IAH1: variants seen among roughly 807,000 people sequenced by gnomAD.
IAH1 encodes isoamyl acetate hydrolyzing esterase 1 (putative).
Under a neutral mutation model 26.7 loss-of-function variants are expected in IAH1, and 24 were observed. The observed-to-expected ratio is 0.90, with a 90% confidence interval of 0.65 to 1.26. IAH1 has a LOEUF of 1.26. Ranked by LOEUF, IAH1 falls within the 50% of genes most tolerant of loss-of-function variation. IAH1 has a pLI of 0.00. For synonymous variants in IAH1, 140 were observed against 118.5 expected, an observed-to-expected ratio of 1.18 and a Z score of -1.18; for missense variants, 300 against 299.9, an observed-to-expected ratio of 1.00 and a Z score of 0.00.
At chr2:9,477,458 A>T (rs188415642) in intron 2 of IAH1, among the ~76,000 whole-genome samples, 41 of 152,154 alleles carry the variant, frequency 2.7e-4, no homozygotes, top group African/African-American at 9.2e-4. Flanking sequence ...TTCTGAAGCA[A>T]ATCCCAAATC....
At chr2:9,508,564 C>T in the IAH1 span, among the ~76,000 whole-genome samples, 1 of 152,204 alleles carries the variant, frequency 6.6e-6, no homozygotes, top group Non-Finnish European at 1.5e-5. Flanking sequence ...TAATCTCACT[C>T]ATGTCCTTTT....
chr2:9,508,051 T>C, the IAH1 span, among the ~76,000 whole-genome samples: 13 of 152,190 alleles, frequency 8.5e-5, no homozygotes, highest in Admixed American at 7.9e-4. Context: ...GCCCCAGAAC[T>C]GGCAGCAGGA....
chr2:9,478,635 G>C (rs1352090576), intron 3 of IAH1, among the ~76,000 whole-genome samples: 2 of 152,152 alleles, frequency 1.3e-5, no homozygotes, highest in African/African-American at 4.8e-5. Context: ...TGCTAAGTTT[G>C]TAATGTGTTC....
chr2:9,484,865 C>T (rs1256427220), intron 5 of IAH1: 1 of 259,544 alleles, frequency 3.9e-6, no homozygotes, highest in Non-Finnish European at 7.3e-6. Flanking sequence ...AAAGCTAAAA[C>T]TTGTTAATAG....
intron 6 of IAH1, among the ~76,000 whole-genome samples, chr2:9,495,025 A>G (rs1031347438): frequency 6.6e-6 from 1 of 152,176 alleles, no homozygotes; most frequent in African/African-American, 2.4e-5. Flanking sequence ...CCTCTCTTCA[A>G]AGTCTAACTA....
At chr2:9,507,680 A>G in the IAH1 span, among the ~76,000 whole-genome samples, 5 of 152,190 alleles carry the variant, frequency 3.3e-5, no homozygotes, top group Admixed American at 1.3e-4. Context: ...AGAAAAAAAA[A>G]GTTCTTCCCA....
At chr2:9,493,865 A>G (rs771616933), downstream of IAH1, 1 of 1,532,060 alleles carries the variant, frequency 6.5e-7, no homozygotes, top group South Asian at 1.1e-5. Context: ...ATTCCCAAAC[A>G]CAATGTATTC....
chr2:9,492,916 G>T, downstream of IAH1: 1 of 1,612,618 alleles, frequency 6.2e-7, no homozygotes, highest in Non-Finnish European at 8.5e-7. Context: ...GGACAAGAAT[G>T]CTGAAAGGAA....
At chr2:9,509,842 G>A in the IAH1 span, 26 of 1,137,730 alleles carry the variant, frequency 2.3e-5, no homozygotes, top group African/African-American at 1.4e-4. Context: ...ACACAACCAC[G>A]TTTCAAGGTA....
chr2:9,499,612 C>T (rs1662880545), downstream of IAH1, among the ~76,000 whole-genome samples: 1 of 152,114 alleles, frequency 6.6e-6, no homozygotes, highest in Non-Finnish European at 1.5e-5. Flanking sequence ...CCGTGTTAGC[C>T]AGGATGGTCT....
downstream of IAH1, chr2:9,491,016 G>A (rs574369077): frequency 8.1e-7 from 1 of 1,233,212 alleles, no homozygotes; most frequent in East Asian, 2.3e-5. Flanking sequence ...GCCAGTGAAA[G>A]CTCTTGCTGG....
intron 3 of IAH1, among the ~76,000 whole-genome samples, chr2:9,479,293 A>G (rs1572836618): frequency 7.9e-6 from 1 of 126,184 alleles, no homozygotes; most frequent in African/African-American, 3.2e-5. Context: ...CTTCCTAAGT[A>G]TAAGAGCAGT....
At chr2:9,491,199 T>TAGTG, downstream of IAH1, 1 of 1,538,802 alleles carries the variant, frequency 6.5e-7, no homozygotes, top group Non-Finnish European at 9.0e-7. Context: ...ACAATTCAGT[T>TAGTG]AGTGAGTACT....
intron 5 of IAH1, among the ~76,000 whole-genome samples, chr2:9,487,786 TTTTG>T (rs1013380459): frequency 6.0e-5 from 7 of 117,546 alleles, no homozygotes; most frequent in South Asian, 3.2e-4. Flanking sequence ...TCCCCGGCCT[TTTTG>T]TGTGTGTGTG....
chr2:9,484,839 A>C (rs1482041731), intron 5 of IAH1: 15 of 316,706 alleles, frequency 4.7e-5, no homozygotes, highest in East Asian at 1.9e-4. Context: ...TTCTTCTTTC[A>C]TACAGAGAAT....
At position 9,478,353 on chromosome 2, in the gene IAH1, A is replaced by G. The variant is rs1437846787; in HGVS notation, c.266A>G (p.Asn89Ser). ...PVAVTIFFGANDSALKDENPK... is the reference protein window; with the variant it reads ...PVAVTIFFGASDSALKDENPK... ...GCAGTTACAATTTTCTTTGGGGCCA[A>G]TGACAGTGCACTAAAAGGTAAAAGC... The change falls in exon 3 of 6, where the codon AAT (asparagine) becomes AGT (serine). Residue 89 changes from asparagine to serine, a missense_variant. Transcript: ENST00000497473. The G allele has an allele frequency of 7.5e-6, 12 of 1,607,978 alleles. No homozygotes were observed. Among genetic ancestry groups the G allele is most frequent in the African/African-American group, 1.3e-5 (1 of 74,822 alleles).
chr2:9,494,009 C>G (rs941039589), downstream of IAH1, among the ~76,000 whole-genome samples: 1 of 152,198 alleles, frequency 6.6e-6, no homozygotes, highest in Admixed American at 6.5e-5. Context: ...CTGTCATTAA[C>G]ACTTTCATAA....
downstream of IAH1, among the ~76,000 whole-genome samples, chr2:9,501,024 T>G (rs1662968051): frequency 1.3e-5 from 2 of 152,078 alleles, no homozygotes; most frequent in South Asian, 4.1e-4. Flanking sequence ...TTTGATTACG[T>G]TAAAGATTTC....
At chr2:9,480,293 A>G (rs1324417576) in intron 3 of IAH1, among the ~76,000 whole-genome samples, 4 of 152,152 alleles carry the variant, frequency 2.6e-5, no homozygotes, top group Admixed American at 1.3e-4. Context: ...AGGCCAGGCC[A>G]GGAGTTTGAG....
Sources: gnomAD v4.1 joint callset for allele counts (sites outside exome capture counted in the v4.1 genomes callset) on GRCh38, gnomAD v4.1.1 for gene constraint, MANE v1.5 for transcripts, NCBI Gene and HGNC (gene_info 2026-07-23, HGNC 2026-07-21) for gene names.